The following ZAN variants were observed in gnomAD, a reference collection of about 807,000 sequenced individuals.
ZAN encodes the protein zonadhesin (gene/pseudogene).
In ZAN, 260 loss-of-function variants were observed where a neutral mutation model predicts 286.2. That is an observed-to-expected ratio of 0.91 (90% CI 0.82 to 1.01). ZAN has a LOEUF of 1.01. ZAN is among the 50% of genes least tolerant of loss of function. The pLI is 0.00. For synonymous variants in ZAN, 1,368 were observed against 1,417.5 expected, an observed-to-expected ratio of 0.97 and a Z score of 0.79; for missense variants, 3,410 against 3,639.2, an observed-to-expected ratio of 0.94 and a Z score of 1.62.
chr7:100,764,015 C>T lies in ZAN; in HGVS notation c.4098-12C>T. ...TCCACTGCATTCCCCCTGACTTGGT[C>T]ACTCCCCTCAGGACATGCCTGCTGC... On this transcript the variant is annotated splice_polypyrimidine_tract_variant and intron_variant, in intron 21 of 47. Transcript: ENST00000613979. 3 of 1,613,808 alleles carry T rather than the reference C, an allele frequency of 1.9e-6. No individual in the cohort carries two copies. The highest frequency in any genetic ancestry group is 2.5e-6 in the Non-Finnish European group (3 of 1,179,808).
intron 42 of ZAN, among the ~76,000 whole-genome samples, chr7:100,792,982 C>T (rs1250425268): frequency 2.0e-5 from 1 of 50,932 alleles, no homozygotes; most frequent in African/African-American, 5.6e-5. Context: ...CATCCTATCT[C>T]AAAAAAAAAA....
chr7:100,779,506 T>C lies in ZAN; in HGVS notation c.6378T>C (p.Ser2126=), dbSNP rs938464084. ...CAGCGGAACAGCAGGAGAACCCGAG[T>C]GGAAACTGCAGGGCGGCCGACCTCC... is the stretch of plus-strand genomic sequence containing the variant. ...QIPAEQQENP[S]GNCRAADLRR... is the part of the protein sequence containing the mutation. The change falls in exon 35 of 48, where the codon AGT becomes AGC. Residue 2126 remains serine, a synonymous_variant. Transcript: ENST00000613979. 3.7e-6 allele frequency: 6 copies of C among 1,612,036 alleles called. No homozygotes were observed. Among genetic ancestry groups the C allele is most frequent in the Non-Finnish European group, 4.2e-6 (5 of 1,179,368 alleles).
At chr7:100,790,025 G>A (rs1289909567) in intron 39 of ZAN, among the ~76,000 whole-genome samples, 1 of 151,950 alleles carries the variant, frequency 6.6e-6, no homozygotes, top group Non-Finnish European at 1.5e-5. Flanking sequence ...TGGAGAGGCT[G>A]AGACGGGAGG....
At position 100,772,874 on chromosome 7, in the gene ZAN, G is replaced by GT. The variant is rs1216759374; in HGVS notation, c.5426-396dup. Among the ~76,000 whole-genome samples the GT allele has an allele frequency of 8.7e-3, 1,063 of 121,826 alleles. 7 individuals are homozygous for GT. The highest frequency in any genetic ancestry group is 0.033 in the South Asian group (113 of 3,378). The allele number at this position is 121,826 out of a possible 152,430, so 79.9% of individuals were successfully genotyped here. On this transcript the variant is annotated intron_variant, in intron 29 of 47. Transcript: ENST00000613979. ...TTTTATGTCTGTTTTTTTTTTGTTT[G>GT]TTTTTTTTTTTTTTTGCTTTTGAGA... is the stretch of plus-strand genomic sequence containing the variant.
intron 7 of ZAN, among the ~76,000 whole-genome samples, chr7:100,744,031 C>T (rs1464889669): frequency 6.6e-6 from 1 of 150,732 alleles, no homozygotes; most frequent in African/African-American, 2.5e-5. Flanking sequence ...TCTCTTTGTT[C>T]TTCTTTTCCC....
Position 100,737,138 on chromosome 7 carries a change from G to A in ZAN, c.525+58G>A. On this transcript the variant is annotated intron_variant, in intron 5 of 47. Transcript: ENST00000613979. Reference sequence around the variant, plus strand: ...GGGGAGTCTGGGTGTTGGAGAGCCTGAGGGTGGGGGTGTGGCAAAAAGGGA... The same window carrying A: ...GGGGAGTCTGGGTGTTGGAGAGCCTAAGGGTGGGGGTGTGGCAAAAAGGGA... 1.4e-6 allele frequency: 2 copies of A among 1,457,012 alleles called. 1 individual carries two copies. The highest frequency in any genetic ancestry group is 1.9e-6 in the Non-Finnish European group (2 of 1,070,180). The allele number at this position is 1,457,012 out of a possible 1,614,324, so 90.3% of individuals were successfully genotyped here.
At position 100,785,211 on chromosome 7, in the gene ZAN, C is replaced by T. The variant is rs548044892; in HGVS notation, c.6834+377C>T. On this transcript the variant is annotated intron_variant, in intron 36 of 47. Transcript: ENST00000613979. The stretch of plus-strand genomic sequence containing the variant: ...CACAACATATGTAAGTCACCAAGCA[C>T]AAACACAGTGCCTTTTTTTTTTTTT... Among the ~76,000 whole-genome samples the T allele has an allele frequency of 2.7e-5, 4 of 146,038 alleles. No homozygotes were observed. In the Admixed American group the frequency reaches 2.9e-4, roughly 10 times the overall value.
At chr7:100,753,551 G>T (rs376809828) in intron 14 of ZAN, among the ~76,000 whole-genome samples, 6 of 151,962 alleles carry the variant, frequency 3.9e-5, no homozygotes, top group Non-Finnish European at 8.8e-5. Context: ...GGCCGGGCAC[G>T]GTAGCTCAAA....
intron 28 of ZAN, among the ~76,000 whole-genome samples, chr7:100,771,476 G>C (rs1353872114): frequency 6.6e-6 from 1 of 150,698 alleles, no homozygotes; most frequent in Non-Finnish European, 1.5e-5. Flanking sequence ...CTGTTGCCCA[G>C]GCTGGAGTGC....
intron 37 of ZAN, 76 bp downstream of exon 37, chr7:100,786,217 G>T: frequency 6.3e-7 from 1 of 1,587,794 alleles, no homozygotes. Flanking sequence ...AGGCAGGGTG[G>T]GAAGGGGCTT....
intron 42 of ZAN, among the ~76,000 whole-genome samples, chr7:100,792,976 C>T (rs1281508843): frequency 6.4e-5 from 3 of 46,648 alleles, no homozygotes; most frequent in African/African-American, 2.0e-4. Context: ...GAGCAACATC[C>T]TATCTCAAAA....
chr7:100,785,223 C>CTT lies in ZAN; in HGVS notation c.6834+410_6834+411dup, dbSNP rs5886135. Among the ~76,000 whole-genome samples, 17 of 87,544 alleles carry CTT rather than the reference C, an allele frequency of 1.9e-4. 1 individual carries two copies. The highest frequency in any genetic ancestry group is 3.9e-4 in the African/African-American group (9 of 23,174). The allele number at this position is 87,544 out of a possible 152,430, so 57.4% of individuals were successfully genotyped here. A position where few individuals can be genotyped will look rare whatever the true frequency, so the allele number is the denominator to read the frequency against. ...AAGTCACCAAGCACAAACACAGTGC[C>CTT]TTTTTTTTTTTTTTTTTTTTTTGAG... On this transcript the variant is annotated intron_variant, in intron 36 of 47. Transcript: ENST00000613979.
At chr7:100,754,328 G>A (rs1808996474) in intron 14 of ZAN, among the ~76,000 whole-genome samples, 1 of 151,608 alleles carries the variant, frequency 6.6e-6, no homozygotes, top group Non-Finnish European at 1.5e-5. Flanking sequence ...GCGTGGTGGT[G>A]GGTGCCTGTA....
rs114183970 is a variant in ZAN, at chr7:100,737,280, C to T, written c.544C>T (p.Arg182Trp). The change falls in exon 6 of 48, where the codon CGG becomes TGG. Residue 182 changes from arginine (R) to tryptophan (W), a missense_variant. Physicochemically the swap from Arg to Trp is moderately radical, Grantham distance 101 (BLOSUM62 -3). This residue lies in a region of ZAN where 872 missense variants were observed against 938.9 expected (regional missense o/e 0.93). Coordinates refer to ENST00000613979, the MANE Select transcript of ZAN (RefSeq NM_003386.3). ...CTTGCAGCTGATGTTTGAGGGAACA[C>T]GGGGTAGCACTGCCTACCTGGACAT... ...LPTRLMFEGTRGSTAYLDIAL... is the reference protein window; with the variant it reads ...LPTRLMFEGTWGSTAYLDIAL... 1,161 of 1,488,008 alleles carry T rather than the reference C, an allele frequency of 7.8e-4. 155 individuals are homozygous for T. The African/African-American group carries it at 0.012, about 15-fold the overall frequency. The allele number at this position is 1,488,008 out of a possible 1,614,324, so 92.2% of individuals were successfully genotyped here. A position where few individuals can be genotyped will look rare whatever the true frequency, so the allele number is the denominator to read the frequency against.
intron 19 of ZAN, among the ~76,000 whole-genome samples, chr7:100,761,947 G>GATAAATAAATAA (rs113604904): frequency 4.1e-5 from 6 of 148,082 alleles, no homozygotes; most frequent in East Asian, 2.0e-4. Flanking sequence ...TGAAAAAAAG[G>GATAAATAAATAA]ATAAATAAAT....
chr7:100,750,092 A>ACACACACACT (rs1259716733), intron 11 of ZAN, among the ~76,000 whole-genome samples: 2 of 149,560 alleles, frequency 1.3e-5, no homozygotes, highest in African/African-American at 4.9e-5. Context: ...ACACACACAC[A>ACACACACACT]CACACACGAC....
In ZAN at chr7:100,775,467, T is replaced by C; in HGVS notation, c.5919T>C (p.Ser1973=). The C allele has an allele frequency of 6.2e-7, 1 of 1,613,914 alleles. No homozygotes were observed. The highest frequency in any genetic ancestry group is 1.3e-5 in the African/African-American group (1 of 75,008). The change falls in exon 32 of 48, where the codon AGT becomes AGC. Residue 1973 remains serine, a synonymous_variant. Coordinates refer to ENST00000613979, the MANE Select transcript of ZAN (RefSeq NM_003386.3). ...PAMALPFFKI[S]AKHEKEEGGT... is the part of the protein sequence containing the mutation. ...TGGCCTTGCCCTTCTTCAAGATCAG[T>C]GCCAAGCATGAGAAGGAGGAAGGTG... is the stretch of plus-strand genomic sequence containing the variant.
intron 37 of ZAN, among the ~76,000 whole-genome samples, chr7:100,786,947 A>T (rs979592023): frequency 7.9e-5 from 12 of 152,156 alleles, no homozygotes; most frequent in Non-Finnish European, 1.8e-4. Context: ...CTGTAGTCCC[A>T]GCTACTCAGG....
In ZAN at chr7:100,753,000, C is replaced by T. The variant is rs1562926944; in HGVS notation, c.2895C>T (p.Ser965=). The T allele has an allele frequency of 1.2e-6, 2 of 1,608,474 alleles. No individual in the cohort carries two copies. The highest frequency in any genetic ancestry group is 1.7e-6 in the Non-Finnish European group (2 of 1,176,968). The change falls in exon 14 of 48, where the codon TCC becomes TCT. Residue 965 remains serine, a synonymous_variant. Coordinates refer to ENST00000613979, the MANE Select transcript of ZAN (RefSeq NM_003386.3). ...TCCCCACAGAAAAACCCACCATCTC[C>T]ACGGAAAAACCCACCATCCCCACGG... ...LTIPTEKPTI[S]TEKPTIPTEK... is the part of the protein sequence containing the mutation.
Sources: allele counts gnomAD v4.1 joint callset (sites outside exome capture counted in the v4.1 genomes callset), GRCh38; gene constraint gnomAD v4.1.1; regional missense constraint gnomAD v4.1.1; transcripts MANE v1.5; gene names NCBI Gene and HGNC (gene_info 2026-07-23, HGNC 2026-07-21).